GRIN2B: variants seen among roughly 807,000 people sequenced by gnomAD.
GRIN2B encodes glutamate receptor ionotropic, NMDA 2B.
A neutral mutation model predicts 114.5 loss-of-function variants in GRIN2B; 5 were observed. That is an observed-to-expected ratio of 0.04 (90% CI 0.02 to 0.09). GRIN2B has a LOEUF of 0.09. Among genes scored for constraint, GRIN2B ranks in the 10% least tolerant of loss-of-function variants. The probability of loss-of-function intolerance (pLI) is 1.00; values close to 1 mark genes in which losing one functional copy is unlikely to be tolerated. For synonymous variants in GRIN2B, 787 were observed against 745.1 expected (o/e 1.06, Z -0.92); for missense variants, 1,108 against 1,943.5 (o/e 0.57, Z 8.08).
At chr12:13,927,609 G>A (rs1187835690) in intron 2 of GRIN2B, among the ~76,000 whole-genome samples, 2 of 150,880 alleles carry the variant, frequency 1.3e-5, no homozygotes, top group African/African-American at 2.4e-5. Flanking sequence ...TGGAACTAAC[G>A]ATGTCCCAGT....
At chr12:13,654,345 A>C (rs1187388402) in intron 5 of GRIN2B, among the ~76,000 whole-genome samples, 1 of 152,208 alleles carries the variant, frequency 6.6e-6, no homozygotes, top group African/African-American at 2.4e-5. Flanking sequence ...AAATGTGTGC[A>C]TGTTGAGAAG....
At chr12:13,699,581 G>A (rs1950291892) in intron 4 of GRIN2B, among the ~76,000 whole-genome samples, 1 of 151,646 alleles carries the variant, frequency 6.6e-6, no homozygotes. Context: ...CTACCTGAAA[G>A]GAAAAAAAAT....
intron 5 of GRIN2B, among the ~76,000 whole-genome samples, chr12:13,663,701 C>T (rs1380787578): frequency 6.6e-6 from 1 of 152,170 alleles, no homozygotes; most frequent in Non-Finnish European, 1.5e-5. Flanking sequence ...TAACTAGGCA[C>T]ATCAAAAATC....
intron 2 of GRIN2B, among the ~76,000 whole-genome samples, chr12:13,914,306 T>C (rs1866673950): frequency 6.6e-6 from 1 of 152,160 alleles, no homozygotes; most frequent in East Asian, 1.9e-4. Context: ...CCCTTTTCCA[T>C]GGTACTTAAT....
At chr12:13,956,244 C>T (rs777603891) in intron 2 of GRIN2B, among the ~76,000 whole-genome samples, 15 of 152,106 alleles carry the variant, frequency 9.9e-5, no homozygotes, top group Non-Finnish European at 1.8e-4. Context: ...ATGCAGTGGG[C>T]AGGAGGCGAC....
chr12:13,819,211 C>T (rs954580949), intron 3 of GRIN2B, among the ~76,000 whole-genome samples: 1 of 152,144 alleles, frequency 6.6e-6, no homozygotes, highest in African/African-American at 2.4e-5. Context: ...AGAAGGTGGC[C>T]ATCTACAAGC....
At chr12:13,773,004 T>C (rs1193088644) in intron 3 of GRIN2B, among the ~76,000 whole-genome samples, 1 of 152,164 alleles carries the variant, frequency 6.6e-6, no homozygotes, top group East Asian at 1.9e-4. Flanking sequence ...GGACTATAGA[T>C]GGGTGGATTT....
chr12:13,651,602 A>T (rs1322690301), intron 5 of GRIN2B, among the ~76,000 whole-genome samples: 1 of 152,084 alleles, frequency 6.6e-6, no homozygotes, highest in Non-Finnish European at 1.5e-5. Context: ...TATAATGTCC[A>T]TCCATTTTAC....
chr12:13,941,226 C>T (rs895598428), intron 2 of GRIN2B, among the ~76,000 whole-genome samples: 3 of 152,074 alleles, frequency 2.0e-5, no homozygotes, highest in Admixed American at 6.6e-5. Context: ...TATTTCATTG[C>T]CTTCTATTTT....
chr12:13,628,370 C>T (rs1949589548), intron 5 of GRIN2B, among the ~76,000 whole-genome samples: 1 of 152,180 alleles, frequency 6.6e-6, no homozygotes. Flanking sequence ...TGGTCCCCAG[C>T]TTGCTCTACC....
chr12:13,834,021 T>C (rs1323758426), intron 3 of GRIN2B, among the ~76,000 whole-genome samples: 1 of 6,996 alleles, frequency 1.4e-4, no homozygotes, highest in Non-Finnish European at 2.1e-3. Context: ...TGCTAACTTC[T>C]TTTTTTTTTT....
chr12:13,918,092 C>T (rs1348764740), intron 2 of GRIN2B, among the ~76,000 whole-genome samples: 1 of 152,162 alleles, frequency 6.6e-6, no homozygotes, highest in East Asian at 1.9e-4. Flanking sequence ...ATCAGACATC[C>T]ATCAGATTTA....
At chr12:13,839,522 G>T (rs1865343366) in intron 3 of GRIN2B, among the ~76,000 whole-genome samples, 2 of 152,178 alleles carry the variant, frequency 1.3e-5, no homozygotes, top group Non-Finnish European at 2.9e-5. Flanking sequence ...AGTGCTTATA[G>T]CTCAACGAAG....
rs1948467000 is a variant in GRIN2B, at chr12:13,555,393, G to T, written c.*7390C>A. The T allele has an allele frequency of 6.6e-6, 1 of 152,218 alleles. No homozygotes were observed. The highest frequency in any genetic ancestry group is 1.5e-5 in the Non-Finnish European group (1 of 68,050). 9.4% of individuals were successfully genotyped at this position (152,218 alleles called of 1,614,324 possible). A position where few individuals can be genotyped will look rare whatever the true frequency, so the allele number is the denominator to read the frequency against. On this transcript the variant is annotated 3_prime_UTR_variant, in exon 14 of 14. Transcript: ENST00000609686. ...TAAGGTGAGGAAGTGGAGAAAGAAA[G>T]ACTACCCTTTTGAGAAGTTGGGAAG... is the stretch of plus-strand genomic sequence containing the variant.
chr12:13,891,830 A>G lies in GRIN2B; in HGVS notation c.-18-25604T>C, dbSNP rs546221283. Among the ~76,000 whole-genome samples the G allele has an allele frequency of 2.8e-4, 42 of 152,314 alleles. 2 individuals are homozygous for G. In the South Asian group the frequency reaches 8.5e-3, roughly 31 times the overall value. ...CACAAAAAGCCCAAGAGGTGCTCAG[A>G]CCCAGAAGAAGCTACTGAAGAAGCC... On this transcript the variant is annotated intron_variant, in intron 2 of 13. Transcript: ENST00000609686.
At chr12:13,852,280 A>G (rs1865580584) in intron 3 of GRIN2B, among the ~76,000 whole-genome samples, 1 of 152,180 alleles carries the variant, frequency 6.6e-6, no homozygotes, top group Admixed American at 6.5e-5. Flanking sequence ...TTGGGAAGGG[A>G]GGAAATGATA....
intron 2 of GRIN2B, among the ~76,000 whole-genome samples, chr12:13,925,250 T>C (rs2136817494): frequency 6.6e-6 from 1 of 152,282 alleles, no homozygotes; most frequent in East Asian, 1.9e-4. Flanking sequence ...CAAGGCTTCC[T>C]ATAAAAACTT....
chr12:13,613,811 C>G (rs1949397448), intron 8 of GRIN2B, among the ~76,000 whole-genome samples: 1 of 152,182 alleles, frequency 6.6e-6, no homozygotes, highest in African/African-American at 2.4e-5. Context: ...TAAATGTTGG[C>G]TTCTCTTATC....
chr12:13,758,061 T>G (rs1863610429), intron 3 of GRIN2B, among the ~76,000 whole-genome samples: 1 of 152,176 alleles, frequency 6.6e-6, no homozygotes, highest in South Asian at 2.1e-4. Context: ...CAAAGCCATA[T>G]CCGTTTCCTG....
Sources: gnomAD v4.1 joint callset for allele counts (sites outside exome capture counted in the v4.1 genomes callset) on GRCh38, gnomAD v4.1.1 for gene constraint, MANE v1.5 for transcripts, NCBI Gene and HGNC (gene_info 2026-07-23, HGNC 2026-07-21) for gene names.